The following KANSL1 variants were observed in gnomAD, a reference collection of about 807,000 sequenced individuals.
KANSL1 encodes MLL1/MLL complex subunit KANSL1.
KANSL1 carries 22 observed loss-of-function variants against 103.6 expected under a neutral mutation model. That is an observed-to-expected ratio of 0.21 (90% CI 0.15 to 0.30). The LOEUF (loss-of-function observed/expected upper bound fraction) is 0.30, where lower values mean the gene tolerates loss of function less well. Ranked by LOEUF, KANSL1 falls within the 10% of genes least tolerant of loss-of-function variation. The pLI is 1.00. For missense variants in KANSL1, 1,337 were observed against 1,399.8 expected (o/e 0.96, Z 0.72); for synonymous variants, 600 against 527.6 (o/e 1.14, Z -1.88).
At position 46,038,716 on chromosome 17, in the gene KANSL1, A is replaced by T. The variant is rs751450813; in HGVS notation, c.2393-30T>A. 3 of 1,613,004 alleles carry T rather than the reference A, an allele frequency of 1.9e-6. No individual in the cohort carries two copies. The African/African-American group carries it at 4.0e-5, about 21-fold the overall frequency. ...AGAAGTCAACAGAAAAGAGAGAAAT[A>T]CATGGCTATCTTAACCAGCGTTACT... On this transcript the variant is annotated intron_variant, in intron 9 of 14. Transcript: ENST00000432791.
At chr17:46,156,467 T>A (rs1037685562) in intron 2 of KANSL1, among the ~76,000 whole-genome samples, 2 of 152,230 alleles carry the variant, frequency 1.3e-5, no homozygotes, top group African/African-American at 4.8e-5. Flanking sequence ...TCTTCTCAGG[T>A]CTTCCTATCA....
chr17:46,115,731 C>A (rs17661027), intron 2 of KANSL1, among the ~76,000 whole-genome samples: 21,556 of 151,964 alleles, frequency 0.14, 2,100 homozygotes, highest in Non-Finnish European at 0.22. Context: ...GAAAGCCAAC[C>A]GATAAATCTT....
At chr17:46,223,949 A>G (rs1279100729), upstream of KANSL1, 1 of 151,276 alleles carries the variant, frequency 6.6e-6, no homozygotes, top group Non-Finnish European at 1.5e-5. Context: ...GAAAAGGGCA[A>G]ATGTGTGTCT....
At chr17:46,144,345 C>T (rs1019362736) in intron 2 of KANSL1, among the ~76,000 whole-genome samples, 6 of 152,216 alleles carry the variant, frequency 3.9e-5, no homozygotes, top group Non-Finnish European at 8.8e-5. Context: ...CTCCTCAGTA[C>T]AAGAGGCCTG....
intron 4 of KANSL1, among the ~76,000 whole-genome samples, chr17:46,072,365 T>C (rs2078610103): frequency 6.6e-6 from 1 of 152,200 alleles, no homozygotes; most frequent in Non-Finnish European, 1.5e-5. Flanking sequence ...TTTTTAAATG[T>C]ATCACATTCG....
intron 13 of KANSL1, chr17:46,032,698 AG>A (rs936126151): frequency 3.3e-5 from 11 of 332,200 alleles, no homozygotes; most frequent in Middle Eastern, 8.2e-4. Flanking sequence ...ATGGACGTTA[AG>A]GGGGGGCAGT....
chr17:46,219,224 G>T (rs1301996445), intron 1 of KANSL1, among the ~76,000 whole-genome samples: 4 of 145,526 alleles, frequency 2.7e-5, no homozygotes, highest in Non-Finnish European at 5.9e-5. Context: ...AGATCACCTG[G>T]ACAACAAAGC....
chr17:46,119,042 A>G (rs1027661313), intron 2 of KANSL1, among the ~76,000 whole-genome samples: 1 of 152,330 alleles, frequency 6.6e-6, no homozygotes, highest in Non-Finnish European at 1.5e-5. Context: ...ACCAGCCTTA[A>G]TATTTTCTAC....
intron 2 of KANSL1, among the ~76,000 whole-genome samples, chr17:46,162,216 C>T (rs1345324090): frequency 6.6e-6 from 1 of 152,160 alleles, no homozygotes; most frequent in Non-Finnish European, 1.5e-5. Context: ...CACTGGTAAA[C>T]ATGAAAGGGC....
At chr17:46,123,531 C>T (rs1289015774) in intron 2 of KANSL1, among the ~76,000 whole-genome samples, 2 of 152,182 alleles carry the variant, frequency 1.3e-5, no homozygotes, top group Admixed American at 6.5e-5. Context: ...TTAAAAAGTG[C>T]TACTCCAGTG....
chr17:46,032,377 CCA>C, intron 13 of KANSL1, 78 bp from the exon 14 acceptor site: 1 of 1,300,022 alleles, frequency 7.7e-7, no homozygotes, highest in Non-Finnish European at 1.0e-6. Context: ...AAAAGCATCC[CCA>C]CTGGAGGAGT....
At chr17:46,059,485 A>T (rs2078068552) in intron 6 of KANSL1, among the ~76,000 whole-genome samples, 1 of 151,682 alleles carries the variant, frequency 6.6e-6, no homozygotes, top group Admixed American at 6.6e-5. Flanking sequence ...TGGGCATGGT[A>T]GCACGCGCCT....
At chr17:46,153,816 G>C (rs1012633160) in intron 2 of KANSL1, among the ~76,000 whole-genome samples, 3 of 152,250 alleles carry the variant, frequency 2.0e-5, no homozygotes, top group Admixed American at 2.0e-4. Flanking sequence ...TCGCAATGTG[G>C]AGGGAAAACC....
In KANSL1 at chr17:46,134,776, C is replaced by T. The variant is rs1385575642; in HGVS notation, c.1289+36079G>A. On this transcript the variant is annotated intron_variant, in intron 2 of 14. Transcript: ENST00000432791. ...AGGAGAATCACTTCAATCTGGAAGG[C>T]GGAAGCTGCAGTGAGCTAAGGTGGT... 2.0e-5 allele frequency among the ~76,000 whole-genome samples: 3 copies of T among 151,782 alleles called. No individual in the cohort carries two copies. The East Asian group carries it at 5.9e-4, about 30-fold the overall frequency.
At chr17:46,082,249 C>T (rs930673334) in intron 4 of KANSL1, among the ~76,000 whole-genome samples, 192 bp downstream of exon 4, 1 of 152,126 alleles carries the variant, frequency 6.6e-6, no homozygotes, top group South Asian at 2.1e-4. Context: ...CTATGGTCAG[C>T]TACACAGCTG....
At chr17:46,081,532 A>T (rs1289701942) in intron 4 of KANSL1, among the ~76,000 whole-genome samples, 1 of 152,248 alleles carries the variant, frequency 6.6e-6, no homozygotes, top group East Asian at 1.9e-4. Context: ...ATCTCTAGCA[A>T]CAGTGGCTGG....
chr17:46,193,457 C>T (rs1381219895), upstream of KANSL1: 23 of 151,928 alleles, frequency 1.5e-4, no homozygotes, highest in Non-Finnish European at 2.3e-4. Context: ...GGGCGAGCGC[C>T]GGGGACACGG....
Position 46,080,102 on chromosome 17 carries a change from G to A in KANSL1, c.1533+2339C>T, listed in dbSNP as rs1243557704. Among the ~76,000 whole-genome samples the A allele has an allele frequency of 2.0e-5, 3 of 151,954 alleles. No individual in the cohort carries two copies. The East Asian group carries it at 5.8e-4, about 29-fold the overall frequency. Reference sequence around the variant, plus strand: ...ATATTTTGACAATTCTAAAGACGCTGATTTTTTTGTTAATTCCAGCTGAGT... The same window carrying A: ...ATATTTTGACAATTCTAAAGACGCTAATTTTTTTGTTAATTCCAGCTGAGT... On this transcript the variant is annotated intron_variant, in intron 4 of 14. Transcript: ENST00000432791.
intron 6 of KANSL1, among the ~76,000 whole-genome samples, chr17:46,053,744 T>G (rs1422759356): frequency 6.6e-6 from 1 of 152,124 alleles, no homozygotes; most frequent in African/African-American, 2.4e-5. Context: ...AAAGATATAT[T>G]TAATACTTAT....
Sources: gnomAD v4.1 joint callset for allele counts (sites outside exome capture counted in the v4.1 genomes callset) on GRCh38, gnomAD v4.1.1 for gene constraint, MANE v1.5 for transcripts, NCBI Gene and HGNC (gene_info 2026-07-23, HGNC 2026-07-21) for gene names.